The following FBXO33 variants were observed in gnomAD, a reference collection of about 807,000 sequenced individuals.
The protein encoded by FBXO33 is F-box only protein 33.
In FBXO33, 22 loss-of-function variants were observed where a neutral mutation model predicts 46.3. That is an observed-to-expected ratio of 0.48 (90% CI 0.34 to 0.68). The LOEUF (loss-of-function observed/expected upper bound fraction) is 0.68. Among genes scored for constraint, FBXO33 ranks in the 30% least tolerant of loss-of-function variants. The pLI, the probability that FBXO33 is intolerant of heterozygous loss-of-function variation, is 0.01. For synonymous variants in FBXO33, 337 were observed against 291.3 expected, an observed-to-expected ratio of 1.16 and a Z score of -1.60; for missense variants, 692 against 708.8, an observed-to-expected ratio of 0.98 and a Z score of 0.27.
intron 1 of FBXO33, among the ~76,000 whole-genome samples, chr14:39,411,980 G>C (rs34651350): frequency 0.29 from 43,446 of 152,048 alleles, 7,625 homozygotes; most frequent in Non-Finnish European, 0.4. Context: ...AGCCTAACAT[G>C]TGATTTATCC....
intron 2 of FBXO33, among the ~76,000 whole-genome samples, chr14:39,402,147 TTA>T (rs547615244): frequency 4.7e-3 from 723 of 152,324 alleles, no homozygotes; most frequent in Non-Finnish European, 7.9e-3. Flanking sequence ...AACATACAAT[TTA>T]TGTTATAGCA....
At chr14:39,425,383 AGAGTTATTACAG>A (rs1459019637) in intron 1 of FBXO33, among the ~76,000 whole-genome samples, 1 of 152,264 alleles carries the variant, frequency 6.6e-6, no homozygotes, top group Non-Finnish European at 1.5e-5. Context: ...AGCCACCTTA[AGAGTTATTACAG>A]CTAAGAAGAA....
At chr14:39,400,023 T>C (rs1026891140) in intron 3 of FBXO33, among the ~76,000 whole-genome samples, 4 of 152,204 alleles carry the variant, frequency 2.6e-5, no homozygotes, top group East Asian at 1.9e-4. Flanking sequence ...AGGTGGTGAA[T>C]TGGCAGGTGA....
intron 1 of FBXO33, among the ~76,000 whole-genome samples, chr14:39,428,526 C>A (rs1294959543): frequency 2.6e-5 from 4 of 151,198 alleles, no homozygotes; most frequent in Non-Finnish European, 5.9e-5. Context: ...TCAACAACAA[C>A]AAAAAAGTAC....
chr14:39,423,735 T>C (rs1307513489), intron 1 of FBXO33, among the ~76,000 whole-genome samples: 2 of 152,132 alleles, frequency 1.3e-5, no homozygotes, highest in East Asian at 3.9e-4. Flanking sequence ...ATGGTTACCT[T>C]TGAGGAAAGG....
rs1238807996 is a variant in FBXO33 at position 39,399,655 on chromosome 14, A to C, written c.1529T>G (p.Val510Gly). 1.2e-6 allele frequency: 2 copies of C among 1,613,940 alleles called. No homozygotes were observed. The highest frequency in any genetic ancestry group is 1.7e-6 in the Non-Finnish European group (2 of 1,180,006). ...GGATACCTGCTCAATAAGGTTATGC[A>C]CTGGATCTACATCCTGGTCGGCCAG... ...GELADQDVDP[V>G]HNLIEQVSLG... The change falls in exon 4 of 4, where the codon GTG becomes GGG. Residue 510 changes from valine to glycine, a missense_variant. Coordinates refer to ENST00000298097, the MANE Select transcript of FBXO33 (RefSeq NM_203301.4).
In FBXO33 at chr14:39,401,056, CTG is replaced by C. The variant is rs574240909; in HGVS notation, c.1396+118_1396+119del. On this transcript the variant is annotated intron_variant, in intron 3 of 3. Transcript: ENST00000298097. ...TGCAAACTTTAAAAAGCATAAGAAT[CTG>C]TATATCAACTTGATACAAGATTTCT... 2.0e-4 allele frequency: 176 copies of C among 896,824 alleles called. No homozygotes were observed. In the Middle Eastern group the frequency reaches 2.3e-3, roughly 12 times the overall value. The allele number at this position is 896,824 out of a possible 1,614,324, so 55.6% of individuals were successfully genotyped here. A position where few individuals can be genotyped will look rare whatever the true frequency, so the allele number is the denominator to read the frequency against.
At chr14:39,411,418 T>C (rs1253857143) in intron 1 of FBXO33, among the ~76,000 whole-genome samples, 1 of 151,856 alleles carries the variant, frequency 6.6e-6, no homozygotes, top group Non-Finnish European at 1.5e-5. Flanking sequence ...ACATAGGGCA[T>C]TTTTTGCTAT....
intron 1 of FBXO33, among the ~76,000 whole-genome samples, chr14:39,414,332 G>A (rs1454142348): frequency 6.6e-6 from 1 of 152,200 alleles, no homozygotes; most frequent in African/African-American, 2.4e-5. Flanking sequence ...CCTTGCTCTG[G>A]ATTAGACTTT....
chr14:39,424,769 T>C (rs911363452), intron 1 of FBXO33, among the ~76,000 whole-genome samples: 1 of 152,182 alleles, frequency 6.6e-6, no homozygotes, highest in Non-Finnish European at 1.5e-5. Flanking sequence ...AGTATGTATG[T>C]TAAGGCTGGG....
At chr14:39,431,479 C>G in intron 1 of FBXO33, 85 bp downstream of exon 1, 1 of 1,584,280 alleles carries the variant, frequency 6.3e-7, no homozygotes, top group Non-Finnish European at 8.5e-7. Flanking sequence ...TGGCCGGGCA[C>G]GTATTATGCA....
chr14:39,429,126 C>G (rs1234892339), intron 1 of FBXO33, among the ~76,000 whole-genome samples: 6 of 152,210 alleles, frequency 3.9e-5, no homozygotes, highest in Non-Finnish European at 7.3e-5. Context: ...CTCTGAAGAT[C>G]AGCACCCTTG....
chr14:39,408,481 C>T (rs1292993174), intron 1 of FBXO33, among the ~76,000 whole-genome samples: 1 of 151,892 alleles, frequency 6.6e-6, no homozygotes, highest in Admixed American at 6.6e-5. Flanking sequence ...AACCTTTTAC[C>T]TTGATAGATG....
intron 1 of FBXO33, among the ~76,000 whole-genome samples, chr14:39,418,381 C>A (rs987551075): frequency 6.6e-6 from 1 of 151,530 alleles, no homozygotes; most frequent in Admixed American, 6.6e-5. Context: ...TCTATTATTA[C>A]AAGCACATAT....
chr14:39,426,060 C>T (rs572818589), intron 1 of FBXO33, among the ~76,000 whole-genome samples: 2 of 152,222 alleles, frequency 1.3e-5, no homozygotes, highest in East Asian at 3.9e-4. Flanking sequence ...CCGAAGGTTA[C>T]ACACAAAAGG....
chr14:39,431,686 G>T lies in FBXO33; in HGVS notation c.477C>A (p.Gly159=). 6.2e-7 allele frequency: 1 copy of T among 1,613,416 alleles called. No individual in the cohort carries two copies. The highest frequency in any genetic ancestry group is 8.5e-7 in the Non-Finnish European group (1 of 1,180,008). ...CCTCCCCTCCAGTCCCGGTGTCCGC[G>T]CCACCTCCGTCCCCTGGGCCACCGC... ...LSGGGPGDGG[G]ADTGTGGEEV... The change falls in exon 1 of 4, where the codon GGC becomes GGA. Residue 159 remains glycine (G), a synonymous_variant. Coordinates refer to ENST00000298097, the MANE Select transcript of FBXO33 (RefSeq NM_203301.4).
intron 1 of FBXO33, among the ~76,000 whole-genome samples, chr14:39,430,492 AAAAC>A (rs1256547584): frequency 1.3e-5 from 2 of 152,200 alleles, no homozygotes; most frequent in Non-Finnish European, 2.9e-5. Context: ...CTTTCGGAGA[AAAAC>A]AATGCCGTAC....
intron 1 of FBXO33, among the ~76,000 whole-genome samples, chr14:39,425,086 A>T (rs1174598213): frequency 1.3e-5 from 2 of 152,180 alleles, no homozygotes; most frequent in African/African-American, 4.8e-5. Flanking sequence ...CACTGAAATG[A>T]GATATCTTGT....
In FBXO33 at chr14:39,432,045, C is replaced by T. The variant is rs1383107468; in HGVS notation, c.118G>A (p.Gly40Arg). The T allele has an allele frequency of 3.1e-6, 4 of 1,292,390 alleles. No homozygotes were observed. Among genetic ancestry groups the T allele is most frequent in the Non-Finnish European group, 2.0e-6 (2 of 1,023,974 alleles). 80.1% of individuals were successfully genotyped at this position (1,292,390 alleles called of 1,614,324 possible). Reference sequence around the variant, plus strand: ...CGCCCCCGCAGTACCCGGAGCAGCCCCCGCAGCCGTCGCAGCTGCTGCAGC... The same window carrying T: ...CGCCCCCGCAGTACCCGGAGCAGCCTCCGCAGCCGTCGCAGCTGCTGCAGC... ...LRLQQLRRLR[G>R]LLRVLRGRPG... is the part of the protein sequence containing the mutation. Residue 40 changes from glycine to arginine, a missense_variant, in exon 1 of 4, where the codon GGG (glycine) becomes AGG (arginine). Transcript: ENST00000298097.
Sources: gnomAD v4.1 joint callset for allele counts (sites outside exome capture counted in the v4.1 genomes callset) on GRCh38, gnomAD v4.1.1 for gene constraint, MANE v1.5 for transcripts, NCBI Gene and HGNC (gene_info 2026-07-23, HGNC 2026-07-21) for gene names.